HSPA9: variants seen among roughly 807,000 people sequenced by gnomAD.
HSPA9 encodes the protein heat shock protein family A (Hsp70) member 9, also known as stress-70 protein, mitochondrial.
A neutral mutation model predicts 81.5 loss-of-function variants in HSPA9; 28 were observed. That is an observed-to-expected ratio of 0.34 (90% CI 0.25 to 0.47). The LOEUF is 0.47. Ranked by LOEUF, HSPA9 falls within the 20% of genes least tolerant of loss-of-function variation. HSPA9 has a pLI of 1.00. For synonymous variants in HSPA9, 293 were observed against 290.4 expected, an observed-to-expected ratio of 1.01 and a Z score of -0.09; for missense variants, 678 against 838.0, an observed-to-expected ratio of 0.81 and a Z score of 2.36.
intron 4 of HSPA9, 35 bp downstream of exon 4, chr5:138,570,925 A>G: frequency 6.3e-7 from 1 of 1,595,658 alleles, no homozygotes; most frequent in Non-Finnish European, 8.6e-7. Context: ...CTTGCAAATA[A>G]CTGCTTTTTG....
intron 9 of HSPA9, among the ~76,000 whole-genome samples, chr5:138,565,077 CTG>C (rs1373956986): frequency 1.3e-5 from 2 of 152,170 alleles, no homozygotes; most frequent in Non-Finnish European, 2.9e-5. Context: ...CTATGCAAAA[CTG>C]AATGTGTAAG....
At chr5:138,556,321 G>A (rs1021320260) in intron 16 of HSPA9, 131 bp downstream of exon 16, 1 of 1,224,228 alleles carries the variant, frequency 8.2e-7, no homozygotes, top group South Asian at 1.2e-5. Flanking sequence ...CAAGACGGCA[G>A]GAGACTATCT....
rs756830736 is a variant in HSPA9, at chr5:138,560,019, T to G, written c.1255A>C (p.Ile419Leu). 18 of 1,614,156 alleles carry G rather than the reference T, an allele frequency of 1.1e-5. No individual in the cohort carries two copies. Among genetic ancestry groups the G allele is most frequent in the Non-Finnish European group, 1.5e-5 (18 of 1,180,026 alleles). ...ACACCTCCCTGAATGGCAGCTCCAA[T>G]GGCCACAGCCTCATCAGGATTGACA... ...KAVNPDEAVA[I>L]GAAIQGGVLA... The change falls in exon 11 of 17, where the codon ATT (isoleucine) becomes CTT (leucine). Residue 419 changes from isoleucine to leucine, a missense_variant. Coordinates refer to ENST00000297185, the MANE Select transcript of HSPA9 (RefSeq NM_004134.7).
At chr5:138,572,308 G>T (rs561702201) in intron 3 of HSPA9, among the ~76,000 whole-genome samples, 1 of 151,312 alleles carries the variant, frequency 6.6e-6, no homozygotes, top group South Asian at 2.1e-4. Context: ...GCTGATAATT[G>T]TATGTATCTA....
chr5:138,565,697 T>C (rs1750746282), intron 9 of HSPA9, among the ~76,000 whole-genome samples: 1 of 152,218 alleles, frequency 6.6e-6, no homozygotes, highest in Admixed American at 6.5e-5. Flanking sequence ...TTCAGCTCTT[T>C]TTCTAGACTG....
At chr5:138,558,162 A>G (rs1472555203) in intron 12 of HSPA9, among the ~76,000 whole-genome samples, 176 bp from the exon 13 acceptor site, 2 of 152,192 alleles carry the variant, frequency 1.3e-5, no homozygotes, top group Non-Finnish European at 2.9e-5. Context: ...CCTGAAATCA[A>G]CTGGTTTTAT....
chr5:138,568,681 C>T (rs1750816875), intron 5 of HSPA9, among the ~76,000 whole-genome samples: 1 of 151,950 alleles, frequency 6.6e-6, no homozygotes, highest in Non-Finnish European at 1.5e-5. Context: ...AGTCTTGTGG[C>T]TTTCAATATA....
At chr5:138,574,911 T>G in intron 1 of HSPA9, 1 of 431,618 alleles carries the variant, frequency 2.3e-6, no homozygotes, top group South Asian at 3.3e-5. Flanking sequence ...CTGAAAATAG[T>G]GGCTTTCCCA....
chr5:138,557,133 A>C (rs1300633523), intron 14 of HSPA9: 2 of 600,530 alleles, frequency 3.3e-6, no homozygotes, highest in African/African-American at 3.7e-5. Context: ...AAGGAAGAAT[A>C]GATTATCTTA....
At chr5:138,573,668 AG>A in intron 3 of HSPA9, 94 bp downstream of exon 3, 13 of 594,188 alleles carry the variant, frequency 2.2e-5, no homozygotes, top group South Asian at 9.1e-5. Flanking sequence ...AAAAAAAAAA[AG>A]CGCAAATCAG....
intron 11 of HSPA9, among the ~76,000 whole-genome samples, chr5:138,559,483 A>G (rs1750606209): frequency 6.6e-6 from 1 of 152,098 alleles, no homozygotes. Flanking sequence ...CACCCCCTTC[A>G]TTCATCCATA....
At chr5:138,567,605 C>T in intron 6 of HSPA9, 44 bp from the exon 7 acceptor site, 1 of 1,608,680 alleles carries the variant, frequency 6.2e-7, no homozygotes, top group Non-Finnish European at 8.5e-7. Flanking sequence ...CCTTCCATCC[C>T]AGGCACCTTA....
rs981516758 is a variant in HSPA9, at chr5:138,554,428, A to T, written c.*1609T>A. 6.6e-6 allele frequency among the ~76,000 whole-genome samples: 1 copy of T among 152,188 alleles called. No homozygotes were observed. The highest frequency in any genetic ancestry group is 2.4e-5 in the African/African-American group (1 of 41,448). ...ACACACCATATAACAATCCTTCATA[A>T]TCCTACAATGTTCCCATTGAGTGTT... is the stretch of plus-strand genomic sequence containing the variant. On this transcript the variant is annotated 3_prime_UTR_variant, in exon 17 of 17. Transcript: ENST00000297185.
chr5:138,566,921 G>A (rs256015), intron 8 of HSPA9, 80 bp downstream of exon 8: 60,907 of 1,459,046 alleles, frequency 0.042, 1,537 homozygotes, highest in African/African-American at 0.1. Flanking sequence ...AACTGAACTC[G>A]TAAACAAAGC....
At chr5:138,566,563 T>C (rs889945720) in intron 9 of HSPA9, 63 bp downstream of exon 9, 4 of 1,141,476 alleles carry the variant, frequency 3.5e-6, no homozygotes, top group Non-Finnish European at 5.3e-6. Flanking sequence ...AAAATACTAT[T>C]TATTTTAAAT....
In HSPA9 at chr5:138,561,575, C is replaced by A. The variant is rs200106531; in HGVS notation, c.1182+5G>T. 1.9e-6 allele frequency: 3 copies of A among 1,610,490 alleles called. No homozygotes were observed. In the Admixed American group the frequency reaches 5.0e-5, roughly 27 times the overall value. ...TCTCCACGACAGAATTCCACTGGTC[C>A]ATACCTTGGGCATCCTAGTCATGCC... On this transcript the variant is annotated splice_donor_5th_base_variant and intron_variant, in intron 10 of 16. Coordinates refer to ENST00000297185, the MANE Select transcript of HSPA9 (RefSeq NM_004134.7).
intron 3 of HSPA9, among the ~76,000 whole-genome samples, chr5:138,572,997 G>A (rs527393037): frequency 4.6e-5 from 7 of 152,156 alleles, no homozygotes; most frequent in African/African-American, 1.7e-4. Flanking sequence ...CTGGGTTCAA[G>A]CGATTCTCCT....
chr5:138,573,639 T>C (rs1391703070), intron 3 of HSPA9, 124 bp downstream of exon 3: 6 of 444,300 alleles, frequency 1.4e-5, no homozygotes, highest in African/African-American at 5.2e-5. Context: ...AGAGACTGTC[T>C]CCAAAAAAAA....
At chr5:138,571,833 T>C (rs1367770600) in intron 3 of HSPA9, among the ~76,000 whole-genome samples, 1 of 150,780 alleles carries the variant, frequency 6.6e-6, no homozygotes, top group African/African-American at 2.4e-5. Flanking sequence ...TGTGTGTGTG[T>C]GTACTTTTAG....
Sources: gnomAD v4.1 joint callset for allele counts (sites outside exome capture counted in the v4.1 genomes callset) on GRCh38, gnomAD v4.1.1 for gene constraint, MANE v1.5 for transcripts, NCBI Gene and HGNC (gene_info 2026-07-23, HGNC 2026-07-21) for gene names.